Variants in MAPKBP1 observed in about 807,000 individuals in gnomAD.
MAPKBP1 encodes the protein mitogen-activated protein kinase binding protein 1.
A neutral mutation model predicts 170.5 loss-of-function variants in MAPKBP1; 71 were observed. That is an observed-to-expected ratio of 0.42 (90% CI 0.34 to 0.51). The LOEUF (loss-of-function observed/expected upper bound fraction) is 0.51. Among genes scored for constraint, MAPKBP1 ranks in the 20% least tolerant of loss-of-function variants. The pLI is 0.06. For missense variants in MAPKBP1, 1,598 were observed against 1,933.0 expected, an observed-to-expected ratio of 0.83 and a Z score of 3.25; for synonymous variants, 719 against 757.9, an observed-to-expected ratio of 0.95 and a Z score of 0.84.
intron 2 of MAPKBP1, among the ~76,000 whole-genome samples, chr15:41,786,777 A>AAAAATATATATATAT: frequency 3.1e-4 from 10 of 32,438 alleles, no homozygotes; most frequent in South Asian, 1.0e-3. Flanking sequence ...AAAAAAAAAA[A>AAAAATATATATATAT]ATATATATAT....
At chr15:41,819,432 A>G (rs2064948240) in intron 21 of MAPKBP1, 53 bp downstream of exon 21, 1 of 1,605,138 alleles carries the variant, frequency 6.2e-7, no homozygotes, top group Non-Finnish European at 8.5e-7. Context: ...TATAATGGCT[A>G]GATATGGTTT....
chr15:41,803,368 C>T (rs568211662), intron 3 of MAPKBP1, among the ~76,000 whole-genome samples: 15 of 136,502 alleles, frequency 1.1e-4, no homozygotes, highest in Admixed American at 2.5e-4. Flanking sequence ...GAGCCGAGAT[C>T]GTGCCACTGC....
intron 2 of MAPKBP1, among the ~76,000 whole-genome samples, chr15:41,795,767 C>T (rs865963089): frequency 1.4e-4 from 21 of 152,236 alleles, no homozygotes; most frequent in East Asian, 1.9e-4. Flanking sequence ...GCGTCACGCC[C>T]GGCTAATTTT....
chr15:41,820,736 G>A, intron 22 of MAPKBP1, 96 bp from the exon 23 acceptor site: 2 of 845,528 alleles, frequency 2.4e-6, no homozygotes, highest in Non-Finnish European at 3.8e-6. Flanking sequence ...GCTAGTATGT[G>A]TAGTGTGCCA....
chr15:41,812,827 T>G, intron 7 of MAPKBP1, 92 bp from the exon 8 acceptor site: 2 of 1,476,436 alleles, frequency 1.4e-6, no homozygotes, highest in Non-Finnish European at 1.8e-6. Context: ...AGCAAGGAGG[T>G]GCTGGAGGCG....
chr15:41,812,167 G>A, intron 6 of MAPKBP1, 40 bp downstream of exon 6: 1 of 1,611,172 alleles, frequency 6.2e-7, no homozygotes, highest in Non-Finnish European at 8.5e-7. Flanking sequence ...CCTCACAGGG[G>A]TCAAGTGTCA....
At chr15:41,810,032 C>A (rs1233221114) in intron 3 of MAPKBP1, among the ~76,000 whole-genome samples, 1 of 152,218 alleles carries the variant, frequency 6.6e-6, no homozygotes, top group African/African-American at 2.4e-5. Context: ...GCCCCTGCCT[C>A]GCCTCCCACT....
At chr15:41,815,987 C>T (rs1451441894) in intron 12 of MAPKBP1, among the ~76,000 whole-genome samples, 188 bp downstream of exon 12, 1 of 152,234 alleles carries the variant, frequency 6.6e-6, no homozygotes, top group Non-Finnish European at 1.5e-5. Flanking sequence ...GGTTAACATC[C>T]TCATATCAAC....
At chr15:41,803,880 G>A (rs1187852003) in intron 3 of MAPKBP1, among the ~76,000 whole-genome samples, 1 of 151,778 alleles carries the variant, frequency 6.6e-6, no homozygotes, top group East Asian at 1.9e-4. Flanking sequence ...CATTCTTCTT[G>A]CCCAGGCTGG....
At position 41,822,423 on chromosome 15, in the gene MAPKBP1, G is replaced by A; in HGVS notation, c.3229+1G>A. 6.2e-7 allele frequency: 1 copy of A among 1,613,706 alleles called. No homozygotes were observed. Among genetic ancestry groups the A allele is most frequent in the Non-Finnish European group, 8.5e-7 (1 of 1,179,868 alleles). ...ACTCTGGCCAGTGGAGCTGCTCCAG[G>A]TGTGGTCAGAGGGCCAGCATTTAGT... On this transcript the variant is annotated splice_donor_variant, in intron 26 of 30. Coordinates refer to ENST00000457542, the MANE Select transcript of MAPKBP1 (RefSeq NM_014994.3). LOFTEE classifies it high-confidence loss of function.
In MAPKBP1 at chr15:41,819,653, G is replaced by A; in HGVS notation, c.2481+3G>A. 1 of 1,609,528 alleles carries A rather than the reference G, an allele frequency of 6.2e-7. No individual in the cohort carries two copies. The highest frequency in any genetic ancestry group is 8.5e-7 in the Non-Finnish European group (1 of 1,177,346). On this transcript the variant is annotated splice_donor_region_variant and intron_variant, in intron 22 of 30. Coordinates refer to ENST00000457542, the MANE Select transcript of MAPKBP1 (RefSeq NM_014994.3). ...TGTCCCACTGGGAGATGAGTCGGGT[G>A]AGTCGCCATTGTTAAAATGTTCTTC...
intron 22 of MAPKBP1, 115 bp downstream of exon 22, chr15:41,819,765 G>A (rs2064963352): frequency 9.5e-7 from 1 of 1,056,610 alleles, no homozygotes; most frequent in Non-Finnish European, 1.4e-6. Flanking sequence ...CCCACATGCT[G>A]CACTCGTGTG....
chr15:41,782,790 A>AG (rs11420901), intron 2 of MAPKBP1, among the ~76,000 whole-genome samples: 1,901 of 152,042 alleles, frequency 0.013, 35 homozygotes, highest in African/African-American at 0.044. Context: ...GTTCCCAAAG[A>AG]GGGGGAAAAA....
chr15:41,803,427 A>AC (rs2064634514), intron 3 of MAPKBP1, among the ~76,000 whole-genome samples: 1 of 147,796 alleles, frequency 6.8e-6, no homozygotes, highest in Non-Finnish European at 1.5e-5. Flanking sequence ...AAAAAAAAAA[A>AC]AAAAAAAAGG....
At chr15:41,786,587 A>T (rs1301292145) in intron 2 of MAPKBP1, among the ~76,000 whole-genome samples, 1 of 150,368 alleles carries the variant, frequency 6.7e-6, no homozygotes, top group Non-Finnish European at 1.5e-5. Flanking sequence ...ACACGGTGAA[A>T]CCCCGTCTCT....
chr15:41,825,255 A>G lies in MAPKBP1; in HGVS notation c.4346A>G (p.Gln1449Arg), dbSNP rs200597481. 6.2e-7 allele frequency: 1 copy of G among 1,605,000 alleles called. No homozygotes were observed. The change falls in exon 31 of 31, where the codon CAG becomes CGG. Residue 1449 changes from glutamine to arginine, a missense_variant. Physicochemically the swap from Gln to Arg is conservative, Grantham distance 43. Transcript: ENST00000457542. ...TCAGCAGAGCAAAGTCGGATTGCCC[A>G]GCTCCTCAGAGACACCTTCTCTTCA... The part of the protein sequence containing the change: ...MPSAEQSRIA[Q>R]LLRDTFSSVR...
chr15:41,785,232 C>T (rs1596064581), intron 2 of MAPKBP1, among the ~76,000 whole-genome samples: 1 of 152,126 alleles, frequency 6.6e-6, no homozygotes, highest in Admixed American at 6.6e-5. Flanking sequence ...CTCTTCTGTT[C>T]CAACATTTTT....
In MAPKBP1 at chr15:41,777,974, C is replaced by T. The variant is rs569228538; in HGVS notation, c.114+2585C>T. On this transcript the variant is annotated intron_variant, in intron 2 of 30. Coordinates refer to ENST00000457542, the MANE Select transcript of MAPKBP1 (RefSeq NM_014994.3). ...ATCTAAAGTAGCCTTCTCCTTTACACCAAATTGTACACTTATTTTTAGGTC... is the reference window on the plus strand; with the variant it reads ...ATCTAAAGTAGCCTTCTCCTTTACATCAAATTGTACACTTATTTTTAGGTC... Among the ~76,000 whole-genome samples, 8 of 152,320 alleles carry T rather than the reference C, an allele frequency of 5.3e-5. No individual in the cohort carries two copies. In the East Asian group the frequency reaches 1.2e-3, roughly 22 times the overall value.
chr15:41,799,872 T>G lies in MAPKBP1; in HGVS notation c.164T>G (p.Leu55Arg). Residue 55 changes from leucine to arginine, a missense_variant, in exon 3 of 31, where the codon CTT becomes CGT. Leu to Arg is a moderately radical substitution (Grantham distance 102). Around this residue, in one of 6 missense-constraint regions of MAPKBP1, gnomAD observed 151 missense variants for 191.4 expected, o/e 0.79. Transcript: ENST00000457542. ...LGITVSGGRG[L>R]ACDPRSGLVA... is the part of the protein sequence containing the mutation. ...ATTACAGTGTCTGGAGGCAGAGGAC[T>G]TGCCTGTGACCCCCGATCAGGTTTA... 1 of 1,614,154 alleles carries G rather than the reference T, an allele frequency of 6.2e-7. No individual in the cohort carries two copies. Among genetic ancestry groups the G allele is most frequent in the Non-Finnish European group, 8.5e-7 (1 of 1,180,012 alleles).
Sources: allele counts gnomAD v4.1 joint callset (sites outside exome capture counted in the v4.1 genomes callset), GRCh38; gene constraint gnomAD v4.1.1; regional missense constraint gnomAD v4.1.1; transcripts MANE v1.5; gene names NCBI Gene and HGNC (gene_info 2026-07-23, HGNC 2026-07-21).